Variants in CAMTA1 observed in about 807,000 individuals in gnomAD.
CAMTA1 encodes calmodulin-binding transcription activator 1.
Under a neutral mutation model 170.9 loss-of-function variants are expected in CAMTA1, and 27 were observed. The ratio of observed to expected loss-of-function variants is 0.16; its 90% confidence interval spans 0.12 to 0.22. CAMTA1 has a LOEUF of 0.22. CAMTA1 is among the 10% of genes least tolerant of loss of function. The pLI, the probability that CAMTA1 is intolerant of heterozygous loss-of-function variation, is 1.00. For synonymous variants in CAMTA1, 833 were observed against 891.5 expected (o/e 0.93, Z 1.17); for missense variants, 1,619 against 2,217.2 (o/e 0.73, Z 5.42).
At chr1:7,119,248 C>T (rs1258883158) in intron 4 of CAMTA1, among the ~76,000 whole-genome samples, 5 of 152,162 alleles carry the variant, frequency 3.3e-5, no homozygotes, top group Admixed American at 6.6e-5. Context: ...AGAGCCACTG[C>T]GGCACTGCTG....
rs1318645478 is a variant in CAMTA1, at chr1:7,561,544, C to G, written c.511-78856C>G. 6.6e-6 allele frequency among the ~76,000 whole-genome samples: 1 copy of G among 151,856 alleles called. No homozygotes were observed. On this transcript the variant is annotated intron_variant, in intron 6 of 22. Coordinates refer to ENST00000303635, the MANE Select transcript of CAMTA1 (RefSeq NM_015215.4). The surrounding 1 kb of genome is among the most constrained non-coding windows in gnomAD (Gnocchi z 5.3). ...TGAGAGAAAGCCTCTTGCCTGTAAA[C>G]TCGTTGCAGGCGCAGGGATGGGCTG...
intron 11 of CAMTA1, among the ~76,000 whole-genome samples, chr1:7,696,673 C>T: frequency 6.6e-6 from 1 of 152,210 alleles, no homozygotes; most frequent in South Asian, 2.1e-4. Context: ...GGTCTTTCTG[C>T]CTCATGGAAA....
In CAMTA1 at chr1:7,680,248, GC is replaced by G. The variant is rs1336513903; in HGVS notation, c.2914+2519del. On this transcript the variant is annotated intron_variant, in intron 11 of 22. Coordinates refer to ENST00000303635, the MANE Select transcript of CAMTA1 (RefSeq NM_015215.4). This position sits in a 1 kb window ranked among gnomAD's most constrained non-coding sequence, Gnocchi z 4.4. ...TTCCGTTCCCCGCCTGTCCCTCCCG[GC>G]CCCTCCCCTCGGTCTCCGCAGCTTC... 4.2e-6 allele frequency: 1 copy of G among 239,836 alleles called. No homozygotes were observed. The highest frequency in any genetic ancestry group is 9.0e-6 in the Non-Finnish European group (1 of 111,256). 14.9% of individuals were successfully genotyped at this position (239,836 alleles called of 1,614,324 possible).
intron 4 of CAMTA1, among the ~76,000 whole-genome samples, chr1:7,110,198 T>C (rs1643929065): frequency 6.6e-6 from 1 of 152,204 alleles, no homozygotes; most frequent in African/African-American, 2.4e-5. Flanking sequence ...GGGGGCATCC[T>C]GTTAACAAGA....
chr1:7,566,551 G>A lies in CAMTA1; in HGVS notation c.511-73849G>A, dbSNP rs180864445. On this transcript the variant is annotated intron_variant, in intron 6 of 22. Coordinates refer to ENST00000303635, the MANE Select transcript of CAMTA1 (RefSeq NM_015215.4). Reference sequence around the variant, plus strand: ...GTTGTTGATGAGCAGAGAGAACCTGGCCTAAGCAGGCAGGCAGCCCCAGCT... The same window carrying A: ...GTTGTTGATGAGCAGAGAGAACCTGACCTAAGCAGGCAGGCAGCCCCAGCT... 4.7e-4 allele frequency among the ~76,000 whole-genome samples: 71 copies of A among 152,132 alleles called. 1 individual carries two copies. In the East Asian group the frequency reaches 6.4e-3, roughly 14 times the overall value.
At chr1:6,810,254 C>T (rs1277782472) in intron 1 of CAMTA1, among the ~76,000 whole-genome samples, 1 of 152,152 alleles carries the variant, frequency 6.6e-6, no homozygotes, top group Non-Finnish European at 1.5e-5. Flanking sequence ...CACTTCCAGG[C>T]TCCCTTGGCC....
chr1:7,237,722 G>A (rs553985367), intron 4 of CAMTA1, among the ~76,000 whole-genome samples: 1 of 152,250 alleles, frequency 6.6e-6, no homozygotes, highest in East Asian at 1.9e-4. Flanking sequence ...TAAAGTGATA[G>A]GTGAGTCTGT....
At chr1:7,688,716 C>G (rs559843193) in intron 11 of CAMTA1, among the ~76,000 whole-genome samples, 1 of 152,338 alleles carries the variant, frequency 6.6e-6, no homozygotes, top group South Asian at 2.1e-4. Flanking sequence ...GGACAAAGCC[C>G]TGTCCTTTCA....
At chr1:7,637,900 G>A (rs867229318) in intron 6 of CAMTA1, among the ~76,000 whole-genome samples, 13 of 152,190 alleles carry the variant, frequency 8.5e-5, no homozygotes, top group Admixed American at 2.0e-4. Context: ...AGGGATTATC[G>A]TGATTATTAA....
chr1:7,555,790 C>G (rs988982832), intron 6 of CAMTA1, among the ~76,000 whole-genome samples: 1 of 152,128 alleles, frequency 6.6e-6, no homozygotes, highest in Admixed American at 6.5e-5. Flanking sequence ...TCACATTCCA[C>G]CCCCAGGTCA....
rs1396579634 is a variant in CAMTA1 at position 7,413,155 on chromosome 1, G to C, written c.439-54675G>C. 7.2e-5 allele frequency among the ~76,000 whole-genome samples: 11 copies of C among 152,144 alleles called. No individual in the cohort carries two copies. In the East Asian group the frequency reaches 2.1e-3, roughly 29 times the overall value. The stretch of plus-strand genomic sequence containing the variant: ...CCAGTACCATGCTGTTTTGGTTACT[G>C]TAGCCTTGTAGTATAGTTTGAAGTC... On this transcript the variant is annotated intron_variant, in intron 5 of 22. Transcript: ENST00000303635.
At chr1:7,487,566 G>A (rs558328175) in intron 6 of CAMTA1, among the ~76,000 whole-genome samples, 74 of 152,294 alleles carry the variant, frequency 4.9e-4, no homozygotes, top group African/African-American at 1.6e-3. Flanking sequence ...GGACCTGCCC[G>A]TGCTCTCTAG....
chr1:6,796,325 A>G (rs1001625702), intron 1 of CAMTA1, among the ~76,000 whole-genome samples: 9 of 151,544 alleles, frequency 5.9e-5, no homozygotes, highest in Admixed American at 4.6e-4. Context: ...TTTTGCGGAG[A>G]TGGAGTTTCG....
chr1:7,057,742 T>C (rs1214915600), intron 3 of CAMTA1, among the ~76,000 whole-genome samples: 1 of 152,182 alleles, frequency 6.6e-6, no homozygotes, highest in African/African-American at 2.4e-5. Flanking sequence ...ACAGATGAGG[T>C]TGTGGCATAG....
intron 7 of CAMTA1, among the ~76,000 whole-genome samples, chr1:7,653,756 T>C (rs936101841): frequency 6.6e-6 from 1 of 152,118 alleles, no homozygotes; most frequent in Non-Finnish European, 1.5e-5. Context: ...CATTCACTCA[T>C]TCACTCTACC....
intron 3 of CAMTA1, among the ~76,000 whole-genome samples, chr1:6,955,711 C>T (rs911931876): frequency 6.6e-6 from 1 of 152,136 alleles, no homozygotes; most frequent in African/African-American, 2.4e-5. Flanking sequence ...GTTCACGGGG[C>T]TTAGTGAACA....
rs57358691 is a variant in CAMTA1 at position 7,144,236 on chromosome 1, A to AGT, written c.302+52880_302+52881dup. Among the ~76,000 whole-genome samples the AGT allele has an allele frequency of 9.5e-3, 1,436 of 150,478 alleles. 28 individuals are homozygous for AGT. The highest frequency in any genetic ancestry group is 0.031 in the African/African-American group (1,282 of 40,972). ...CTATGTCCTCAGATGGCCTTTTCTA[A>AGT]GTGTGTGTGTGTGTGTATGTGTGTG... On this transcript the variant is annotated intron_variant, in intron 4 of 22. Transcript: ENST00000303635. This position sits in a 1 kb window ranked among gnomAD's most constrained non-coding sequence, Gnocchi z 4.0.
At chr1:7,236,235 G>A (rs758688165) in intron 4 of CAMTA1, among the ~76,000 whole-genome samples, 8 of 152,196 alleles carry the variant, frequency 5.3e-5, no homozygotes, top group Non-Finnish European at 1.0e-4. Flanking sequence ...TCCATGTGGC[G>A]GTCCTGTCAA....
rs1429084077 is a variant in CAMTA1 at position 7,173,661 on chromosome 1, T to G, written c.303-75830T>G. On this transcript the variant is annotated intron_variant, in intron 4 of 22. Transcript: ENST00000303635. This position sits in a 1 kb window ranked among gnomAD's most constrained non-coding sequence, Gnocchi z 5.4. ...CCTCAGCCTCCCAAAGTGCTGAGAT[T>G]ACAGGCGTGAGCCACCGTGCCCAGC... Among the ~76,000 whole-genome samples the G allele has an allele frequency of 6.6e-6, 1 of 152,144 alleles. No homozygotes were observed. The highest frequency in any genetic ancestry group is 1.5e-5 in the Non-Finnish European group (1 of 68,024).
Sources: allele counts gnomAD v4.1 joint callset (sites outside exome capture counted in the v4.1 genomes callset), GRCh38; gene constraint gnomAD v4.1.1; non-coding constraint Gnocchi (gnomAD v3.1); transcripts MANE v1.5; gene names NCBI Gene and HGNC (gene_info 2026-07-23, HGNC 2026-07-21).